The following CPE variants were observed in gnomAD, a reference collection of about 807,000 sequenced individuals.
The protein encoded by CPE is carboxypeptidase E, also known as carbocypeptidase E.
Under a neutral mutation model 53.5 loss-of-function variants are expected in CPE, and 17 were observed. That is an observed-to-expected ratio of 0.32 (90% CI 0.22 to 0.48). The LOEUF (loss-of-function observed/expected upper bound fraction) is 0.48, where lower values mean the gene tolerates loss of function less well. Among genes scored for constraint, CPE ranks in the 20% least tolerant of loss-of-function variants. The probability of loss-of-function intolerance (pLI) is 0.99; values close to 1 mark genes in which losing one functional copy is unlikely to be tolerated. For synonymous variants in CPE, 226 were observed against 228.8 expected (o/e 0.99, Z 0.11); for missense variants, 524 against 614.7 (o/e 0.85, Z 1.56).
intron 6 of CPE, among the ~76,000 whole-genome samples, chr4:165,491,687 CATT>C (rs1381482407): frequency 6.6e-6 from 1 of 151,958 alleles, no homozygotes; most frequent in Non-Finnish European, 1.5e-5. Flanking sequence ...CTATTTGCAA[CATT>C]AAAAAATTAC....
At chr4:165,394,102 T>C (rs1426784376) in intron 1 of CPE, among the ~76,000 whole-genome samples, 2 of 152,098 alleles carry the variant, frequency 1.3e-5, no homozygotes, top group Admixed American at 6.6e-5. Context: ...TAAGGGCTGG[T>C]GGCTCAAGAG....
At chr4:165,455,919 C>T (rs575785902) in intron 1 of CPE, among the ~76,000 whole-genome samples, 1 of 152,256 alleles carries the variant, frequency 6.6e-6, no homozygotes, top group South Asian at 2.1e-4. Flanking sequence ...TCCCAAAGTG[C>T]TGGGATTACA....
chr4:165,397,000 G>A (rs764711513), intron 1 of CPE, among the ~76,000 whole-genome samples: 1 of 152,154 alleles, frequency 6.6e-6, no homozygotes, highest in African/African-American at 2.4e-5. Flanking sequence ...GGTTGAGGCT[G>A]CAGTGAGCCA....
chr4:165,452,984 CT>C (rs895144839), intron 1 of CPE, among the ~76,000 whole-genome samples: 79 of 149,540 alleles, frequency 5.3e-4, no homozygotes, highest in African/African-American at 1.7e-3. Flanking sequence ...TTCTTTCTTT[CT>C]TTTTTTTTTG....
At chr4:165,488,695 T>A (rs1732549815) in intron 6 of CPE, among the ~76,000 whole-genome samples, 1 of 152,256 alleles carries the variant, frequency 6.6e-6, no homozygotes, top group African/African-American at 2.4e-5. Flanking sequence ...AGTATTTATA[T>A]GTGTATATGT....
chr4:165,468,009 A>G (rs1439649757), intron 3 of CPE, among the ~76,000 whole-genome samples, 154 bp downstream of exon 3: 1 of 152,176 alleles, frequency 6.6e-6, no homozygotes, highest in Non-Finnish European at 1.5e-5. Flanking sequence ...GGCTGGTGCC[A>G]TGAAATTTGT....
At chr4:165,484,709 A>G in intron 5 of CPE, 105 bp downstream of exon 5, 1 of 1,096,714 alleles carries the variant, frequency 9.1e-7, no homozygotes, top group Non-Finnish European at 1.3e-6. Context: ...ATCGTCCTCC[A>G]TCATTAAAAA....
chr4:165,443,934 G>A (rs1368480836), intron 1 of CPE, among the ~76,000 whole-genome samples: 2 of 152,152 alleles, frequency 1.3e-5, no homozygotes, highest in Admixed American at 1.3e-4. Flanking sequence ...CATCACATGA[G>A]GACACAGCCA....
intron 6 of CPE, among the ~76,000 whole-genome samples, chr4:165,489,737 A>T (rs141882568): frequency 1.6e-4 from 24 of 152,364 alleles, no homozygotes; most frequent in African/African-American, 5.5e-4. Context: ...TACCATCAGG[A>T]AAAAGGAGAT....
intron 7 of CPE, among the ~76,000 whole-genome samples, chr4:165,494,211 G>C (rs1347617027): frequency 1.3e-5 from 2 of 152,224 alleles, no homozygotes; most frequent in Non-Finnish European, 2.9e-5. Flanking sequence ...TTAGCCCTTA[G>C]CTGAGAGGGT....
intron 3 of CPE, among the ~76,000 whole-genome samples, chr4:165,474,423 C>T (rs1732260736): frequency 6.6e-6 from 1 of 152,028 alleles, no homozygotes; most frequent in South Asian, 2.1e-4. Flanking sequence ...GGTATAGAGA[C>T]ATGGTTACCC....
At chr4:165,396,049 C>T (rs1485976782) in intron 1 of CPE, among the ~76,000 whole-genome samples, 5 of 151,752 alleles carry the variant, frequency 3.3e-5, no homozygotes, top group Non-Finnish European at 7.4e-5. Flanking sequence ...TTTTTTTCCT[C>T]CCTCCTCTAA....
chr4:165,392,317 T>TTGTAAATA (rs1332607174), intron 1 of CPE, among the ~76,000 whole-genome samples: 2 of 146,750 alleles, frequency 1.4e-5, no homozygotes, highest in African/African-American at 4.9e-5. Flanking sequence ...ATATCATGTA[T>TTGTAAATA]TGTAAATATA....
At chr4:165,421,530 A>T (rs1194833511) in intron 1 of CPE, among the ~76,000 whole-genome samples, 1 of 152,200 alleles carries the variant, frequency 6.6e-6, no homozygotes, top group Non-Finnish European at 1.5e-5. Context: ...TGTCCAAAAA[A>T]TCCCGCATAT....
intron 1 of CPE, among the ~76,000 whole-genome samples, chr4:165,430,057 T>A (rs891880292): frequency 7.2e-5 from 11 of 152,080 alleles, no homozygotes; most frequent in Non-Finnish European, 1.2e-4. Flanking sequence ...AAAATAAAAA[T>A]AAAAATAATG....
intron 6 of CPE, among the ~76,000 whole-genome samples, chr4:165,490,503 T>G (rs1191261118): frequency 6.6e-6 from 1 of 151,618 alleles, no homozygotes; most frequent in Non-Finnish European, 1.5e-5. Flanking sequence ...CGTGGTGGCA[T>G]GTGCCTGTAG....
chr4:165,470,168 G>A (rs1315270588), intron 3 of CPE, among the ~76,000 whole-genome samples: 1 of 152,184 alleles, frequency 6.6e-6, no homozygotes, highest in Non-Finnish European at 1.5e-5. Flanking sequence ...TTTAGAGCAT[G>A]AATGAAAGGA....
intron 1 of CPE, among the ~76,000 whole-genome samples, chr4:165,407,996 A>T (rs1365435939): frequency 6.6e-6 from 1 of 152,036 alleles, no homozygotes. Context: ...TATTCATTTT[A>T]AAATGGGCAA....
At chr4:165,443,440 C>G (rs1045711406) in intron 1 of CPE, among the ~76,000 whole-genome samples, 4 of 152,188 alleles carry the variant, frequency 2.6e-5, no homozygotes, top group Non-Finnish European at 4.4e-5. Flanking sequence ...GACTGGGTAG[C>G]TTTAACCACA....
Sources: gnomAD v4.1 joint callset for allele counts (sites outside exome capture counted in the v4.1 genomes callset) on GRCh38, gnomAD v4.1.1 for gene constraint, MANE v1.5 for transcripts, NCBI Gene and HGNC (gene_info 2026-07-23, HGNC 2026-07-21) for gene names.